BRINP3: variants seen among roughly 807,000 people sequenced by gnomAD.
BRINP3 encodes the protein BMP/retinoic acid inducible neural specific 3.
In BRINP3, 19 loss-of-function variants were observed where a neutral mutation model predicts 71.0. The observed-to-expected ratio is 0.27, with a 90% confidence interval of 0.19 to 0.39. The LOEUF is 0.39. Ranked by LOEUF, BRINP3 falls within the 10% of genes least tolerant of loss-of-function variation. The pLI is 1.00. For synonymous variants in BRINP3, 380 were observed against 337.7 expected (o/e 1.13, Z -1.37); for missense variants, 959 against 940.8 (o/e 1.02, Z -0.25).
intron 7 of BRINP3, among the ~76,000 whole-genome samples, chr1:190,133,965 A>G (rs1002123687): frequency 3.3e-5 from 5 of 152,142 alleles, no homozygotes; most frequent in African/African-American, 7.2e-5. Context: ...AAGCAAAACA[A>G]ACAAAAAACC....
intron 6 of BRINP3, among the ~76,000 whole-genome samples, chr1:190,197,096 C>T (rs1033413602): frequency 1.3e-5 from 2 of 151,762 alleles, no homozygotes; most frequent in Admixed American, 1.3e-4. Flanking sequence ...ACAATCATGG[C>T]GGAAAACAAA....
chr1:190,124,290 AACAAGGCGGCCCTCACCAGATGGTGGC>A (rs1653914456), intron 7 of BRINP3, among the ~76,000 whole-genome samples: 1 of 152,154 alleles, frequency 6.6e-6, no homozygotes, highest in Non-Finnish European at 1.5e-5. Flanking sequence ...GGAATGACAT[AACAAGGCGGCCCTCACCAGATGGTGGC>A]ACCTTGATAT....
intron 7 of BRINP3, among the ~76,000 whole-genome samples, chr1:190,117,313 A>G (rs1653229570): frequency 6.6e-6 from 1 of 152,030 alleles, no homozygotes; most frequent in South Asian, 2.1e-4. Context: ...TTCCTACTCT[A>G]TAAATAATTG....
rs376708156 is a variant in BRINP3 at position 190,160,771 on chromosome 1, T to G, written c.1081A>C (p.Ser361Arg). The stretch of plus-strand genomic sequence containing the variant: ...GCCTTTAGGAAAAGTTGTTTCATGC[T>G]GTTCTCCAGTTGTTCATAACGGCGC... ...FQRRYEQLEN[S>R]MKQLFLKAQK... Residue 361 changes from serine to arginine, a missense_variant, in exon 7 of 8, where the codon AGC (serine) becomes CGC (arginine). Ser to Arg is a moderately radical substitution (Grantham distance 110). Coordinates refer to ENST00000367462, the MANE Select transcript of BRINP3 (RefSeq NM_199051.3). The G allele has an allele frequency of 2.5e-6, 4 of 1,613,676 alleles. No homozygotes were observed. In the South Asian group the frequency reaches 4.4e-5, roughly 18 times the overall value.
At chr1:190,145,022 C>T (rs1655768770) in intron 7 of BRINP3, among the ~76,000 whole-genome samples, 1 of 152,094 alleles carries the variant, frequency 6.6e-6, no homozygotes, top group Non-Finnish European at 1.5e-5. Flanking sequence ...CCTGGCATGT[C>T]CTTTTTTTCT....
intron 5 of BRINP3, among the ~76,000 whole-genome samples, chr1:190,231,777 C>G (rs1487215251): frequency 1.3e-5 from 2 of 151,644 alleles, no homozygotes; most frequent in Non-Finnish European, 2.9e-5. Flanking sequence ...ATCTCAAAGT[C>G]CATCTTTTAT....
At chr1:190,349,949 A>C (rs2102039744) in intron 2 of BRINP3, among the ~76,000 whole-genome samples, 1 of 152,242 alleles carries the variant, frequency 6.6e-6, no homozygotes, top group African/African-American at 2.4e-5. Flanking sequence ...TTAGTACAGC[A>C]CTTGTTCTGC....
intron 2 of BRINP3, among the ~76,000 whole-genome samples, chr1:190,417,242 CAA>C (rs896314962): frequency 2.1e-5 from 3 of 146,156 alleles, no homozygotes; most frequent in African/African-American, 7.5e-5. Flanking sequence ...TGGCTCTTAA[CAA>C]AAAAAAAATC....
At chr1:190,393,296 G>A (rs1323553941) in intron 2 of BRINP3, among the ~76,000 whole-genome samples, 1 of 151,568 alleles carries the variant, frequency 6.6e-6, no homozygotes, top group Non-Finnish European at 1.5e-5. Flanking sequence ...TCTTAAGATC[G>A]TGAGAGGAAT....
chr1:190,332,159 CAAG>C (rs565753742), intron 2 of BRINP3, among the ~76,000 whole-genome samples: 26 of 152,086 alleles, frequency 1.7e-4, no homozygotes, highest in African/African-American at 4.8e-4. Flanking sequence ...TGATACATGT[CAAG>C]AAGAAGTATA....
At chr1:190,317,080 G>A (rs1665931804) in intron 2 of BRINP3, among the ~76,000 whole-genome samples, 1 of 150,496 alleles carries the variant, frequency 6.6e-6, no homozygotes, top group African/African-American at 2.5e-5. Flanking sequence ...GCTGAGATGG[G>A]AGAATCACTT....
intron 2 of BRINP3, among the ~76,000 whole-genome samples, chr1:190,301,666 C>A (rs986687957): frequency 6.6e-6 from 1 of 151,466 alleles, no homozygotes; most frequent in Admixed American, 6.6e-5. Flanking sequence ...GTTGAGAAAA[C>A]AAAGCAAGGT....
intron 5 of BRINP3, among the ~76,000 whole-genome samples, chr1:190,229,632 AAAAAC>A (rs1271031730): frequency 2.1e-5 from 3 of 144,500 alleles, no homozygotes; most frequent in Non-Finnish European, 4.5e-5. Context: ...CAGAGTAAAG[AAAAAC>A]AAAACAAAAC....
intron 2 of BRINP3, among the ~76,000 whole-genome samples, chr1:190,415,187 T>C (rs1169251290): frequency 6.6e-6 from 1 of 152,170 alleles, no homozygotes; most frequent in African/African-American, 2.4e-5. Context: ...TGAGCAGTTC[T>C]CCTCTAACAT....
intron 6 of BRINP3, among the ~76,000 whole-genome samples, chr1:190,221,349 T>C (rs74634726): frequency 0.015 from 2,288 of 152,292 alleles, 72 homozygotes; most frequent in African/African-American, 0.051. Flanking sequence ...TTATCCAAGG[T>C]AAGTTGTCTT....
chr1:190,182,562 C>T (rs190107898), intron 6 of BRINP3, among the ~76,000 whole-genome samples: 4 of 148,318 alleles, frequency 2.7e-5, no homozygotes, highest in Non-Finnish European at 5.9e-5. Context: ...TTGTTGACTG[C>T]TTGATTTTAA....
intron 2 of BRINP3, among the ~76,000 whole-genome samples, chr1:190,384,366 A>C (rs1032373591): frequency 1.3e-5 from 2 of 151,862 alleles, no homozygotes; most frequent in Non-Finnish European, 2.9e-5. Flanking sequence ...ACTGTAATTA[A>C]TTCATTATTT....
At position 190,343,186 on chromosome 1, in the gene BRINP3, T is replaced by A. The variant is rs192024594; in HGVS notation, c.237-61436A>T. Among the ~76,000 whole-genome samples the A allele has an allele frequency of 1.2e-3, 175 of 151,790 alleles. 1 individual carries two copies. The highest frequency in any genetic ancestry group is 1.4e-3 in the Non-Finnish European group (93 of 67,754). Reference sequence around the variant, plus strand: ...GAGGAAGAACCACCCAGGGTTAGATTTTGGGAACGGAGGAAGAGTGAATTA... The same window carrying A: ...GAGGAAGAACCACCCAGGGTTAGATATTGGGAACGGAGGAAGAGTGAATTA... On this transcript the variant is annotated intron_variant, in intron 2 of 7. Transcript: ENST00000367462.
At chr1:190,396,727 T>C (rs1051044990) in intron 2 of BRINP3, among the ~76,000 whole-genome samples, 3 of 142,564 alleles carry the variant, frequency 2.1e-5, no homozygotes, top group Non-Finnish European at 4.6e-5. Flanking sequence ...TATATATATA[T>C]ATATATATAT....
Sources: gnomAD v4.1 joint callset for allele counts (sites outside exome capture counted in the v4.1 genomes callset) on GRCh38, gnomAD v4.1.1 for gene constraint, MANE v1.5 for transcripts, NCBI Gene and HGNC (gene_info 2026-07-23, HGNC 2026-07-21) for gene names.